Variants in ADAMTS7 observed in about 807,000 individuals in gnomAD.
ADAMTS7 encodes ADAM metallopeptidase with thrombospondin type 1 motif 7, also known as A disintegrin and metalloproteinase with thrombospondin motifs 7.
A neutral mutation model predicts 172.6 loss-of-function variants in ADAMTS7; 89 were observed. That is an observed-to-expected ratio of 0.52 (90% CI 0.43 to 0.61). The LOEUF (loss-of-function observed/expected upper bound fraction) is 0.61. Ranked by LOEUF, ADAMTS7 falls within the 20% of genes least tolerant of loss-of-function variation. The pLI, the probability that ADAMTS7 is intolerant of heterozygous loss-of-function variation, is 0.00. For missense variants in ADAMTS7, 1,973 were observed against 2,355.6 expected, an observed-to-expected ratio of 0.84 and a Z score of 3.36; for synonymous variants, 885 against 978.4, an observed-to-expected ratio of 0.90 and a Z score of 1.78.
Position 78,763,714 on chromosome 15 carries a change from C to T in ADAMTS7, c.4725G>A (p.Val1575=), listed in dbSNP as rs536028988. 1.9e-6 allele frequency: 3 copies of T among 1,550,224 alleles called. No homozygotes were observed. The East Asian group carries it at 6.8e-5, about 35-fold the overall frequency. Reference sequence around the variant, plus strand: ...CCCGGCTCACCTGGCCCCAGGGCCCCACCACCCACTGCGTGCAGGGGTGGG... The same window carrying T: ...CCCGGCTCACCTGGCCCCAGGGCCCTACCACCCACTGCGTGCAGGGGTGGG... The part of the protein sequence containing the change: ...CNTHPCTQWV[V]GPWGQCSGPC... The change falls in exon 22 of 24, where the codon GTG becomes GTA. Residue 1575 remains valine (V), a synonymous_variant. Transcript: ENST00000388820.
At chr15:78,805,487 C>A (rs973414890) in intron 1 of ADAMTS7, among the ~76,000 whole-genome samples, 21 of 152,284 alleles carry the variant, frequency 1.4e-4, no homozygotes, top group African/African-American at 5.1e-4. Context: ...CTATGCTCCC[C>A]GGTCCTCAGT....
intron 8 of ADAMTS7, among the ~76,000 whole-genome samples, chr15:78,786,096 AT>A (rs1372345526): frequency 6.7e-6 from 1 of 150,370 alleles, no homozygotes; most frequent in Non-Finnish European, 1.5e-5. Context: ...CACCTGGCTA[AT>A]TTTTGTATTT....
rs1388758976 is a variant in ADAMTS7 at position 78,811,156 on chromosome 15, C to T, written c.65G>A (p.Cys22Tyr). The T allele has an allele frequency of 2.2e-5, 27 of 1,230,128 alleles. No individual in the cohort carries two copies. Among genetic ancestry groups the T allele is most frequent in the Non-Finnish European group, 2.1e-5 (21 of 986,926 alleles). 76.2% of individuals were successfully genotyped at this position (1,230,128 alleles called of 1,614,324 possible). ...PLLRPLLLLL[C>Y]ALAPGAPGPA... ...TCCGGGGGCGCCGGGAGCCAGAGCG[C>T]AGAGGAGCAGGAGGAGGGGGCGCAG... Residue 22 changes from cysteine (C) to tyrosine (Y), a missense_variant, in exon 1 of 24, where the codon TGC becomes TAC. Around this residue, in one of 8 missense-constraint regions of ADAMTS7, gnomAD observed 306 missense variants for 288.0 expected, o/e 1.06. Transcript: ENST00000388820.
rs937598547 is a variant in ADAMTS7, at chr15:78,765,024, G to A, written c.4267-317C>T. The stretch of plus-strand genomic sequence containing the variant: ...ACCAGCTATCTTGACCAGCCTCGTC[G>A]CTTCCCAGAGGCACCAGGGAAGGAA... On this transcript the variant is annotated intron_variant, in intron 19 of 23. Transcript: ENST00000388820. 4.1e-5 allele frequency: 12 copies of A among 295,150 alleles called. No homozygotes were observed. The South Asian group carries it at 4.5e-4, about 11-fold the overall frequency. 18.3% of individuals were successfully genotyped at this position (295,150 alleles called of 1,614,324 possible).
At position 78,811,274 on chromosome 15, in the gene ADAMTS7, C is replaced by T. The variant is rs1050342859; in HGVS notation, c.-54G>A. ...CCCGCGCGCACGCTCTCGTCCGTCC[C>T]GTCCGGTCGCTGCCTGGTCCCAGGT... On this transcript the variant is annotated 5_prime_UTR_variant, in exon 1 of 24. Transcript: ENST00000388820. 24 of 1,220,536 alleles carry T rather than the reference C, an allele frequency of 2.0e-5. No individual in the cohort carries two copies. The highest frequency in any genetic ancestry group is 4.3e-5 in the Admixed American group (1 of 23,288). The allele number at this position is 1,220,536 out of a possible 1,614,324, so 75.6% of individuals were successfully genotyped here.
chr15:78,793,662 C>T (rs1229726554), intron 4 of ADAMTS7, among the ~76,000 whole-genome samples: 1 of 152,186 alleles, frequency 6.6e-6, no homozygotes, highest in Admixed American at 6.5e-5. Flanking sequence ...AGACAGAGTC[C>T]CCAAGTGTAG....
At position 78,788,252 on chromosome 15, in the gene ADAMTS7, T is replaced by C; in HGVS notation, c.1301A>G (p.Gln434Arg). 2 of 1,613,764 alleles carry C rather than the reference T, an allele frequency of 1.2e-6. No individual in the cohort carries two copies. The highest frequency in any genetic ancestry group is 1.7e-6 in the Non-Finnish European group (2 of 1,179,992). Residue 434 changes from glutamine (Q) to arginine (R), a missense_variant, in exon 8 of 24, where the codon CAG becomes CGG. Physicochemically the swap from Gln to Arg is conservative, Grantham distance 43. Coordinates refer to ENST00000388820, the MANE Select transcript of ADAMTS7 (RefSeq NM_014272.5). ...TTACTCAAGGAACCTGGTGATATACTGGCGGCTGCAGCGGGACCAGGTGAG... is the reference window on the plus strand; with the variant it reads ...TTACTCAAGGAACCTGGTGATATACCGGCGGCTGCAGCGGGACCAGGTGAG... The part of the protein sequence containing the change: ...APLTWSRCSR[Q>R]YITRFLDRGW...
intron 1 of ADAMTS7, among the ~76,000 whole-genome samples, chr15:78,803,223 G>C (rs1463888271): frequency 4.6e-5 from 7 of 151,934 alleles, no homozygotes; most frequent in Admixed American, 4.6e-4. Flanking sequence ...AGCCAGGCAA[G>C]GTGGTGCACA....
intron 1 of ADAMTS7, among the ~76,000 whole-genome samples, chr15:78,804,545 A>G (rs2055764944): frequency 6.6e-6 from 1 of 152,158 alleles, no homozygotes; most frequent in South Asian, 2.1e-4. Context: ...GCCCAGCCCG[A>G]AGCTCCATCC....
chr15:78,776,577 A>G, intron 10 of ADAMTS7, 172 bp downstream of exon 10: 1 of 849,668 alleles, frequency 1.2e-6, no homozygotes, highest in Non-Finnish European at 1.8e-6. Context: ...CATGGAATCA[A>G]GCCCTGGCCC....
At chr15:78,806,195 G>A (rs1195831597) in intron 1 of ADAMTS7, among the ~76,000 whole-genome samples, 2 of 146,828 alleles carry the variant, frequency 1.4e-5, no homozygotes, top group Non-Finnish European at 3.0e-5. Context: ...CCCCACTCTG[G>A]CACAGTGCTG....
intron 1 of ADAMTS7, among the ~76,000 whole-genome samples, chr15:78,809,280 G>A (rs888555296): frequency 6.6e-6 from 1 of 152,192 alleles, no homozygotes; most frequent in African/African-American, 2.4e-5. Context: ...GTAACATTCA[G>A]TGGTAGGAGG....
chr15:78,793,868 G>A (rs2055611371), intron 4 of ADAMTS7, among the ~76,000 whole-genome samples: 1 of 152,222 alleles, frequency 6.6e-6, no homozygotes, highest in African/African-American at 2.4e-5. Context: ...GGCTTTGGAG[G>A]TAGACAGACC....
At chr15:78,808,943 A>T (rs557460096) in intron 1 of ADAMTS7, among the ~76,000 whole-genome samples, 16 of 152,178 alleles carry the variant, frequency 1.1e-4, no homozygotes, top group Non-Finnish European at 1.9e-4. Context: ...GCTTCTACCA[A>T]AGAAATGCCA....
intron 16 of ADAMTS7, 179 bp downstream of exon 16, chr15:78,770,983 C>T (rs2055238702): frequency 1.2e-6 from 1 of 853,714 alleles, no homozygotes; most frequent in Non-Finnish European, 1.8e-6. Flanking sequence ...CATGTACCCT[C>T]CCAGCGGGCC....
rs139681871 is a variant in ADAMTS7, at chr15:78,790,658, C to G, written c.1028+12G>C. 6.2e-7 allele frequency: 1 copy of G among 1,612,814 alleles called. No homozygotes were observed. The highest frequency in any genetic ancestry group is 8.5e-7 in the Non-Finnish European group (1 of 1,179,700). On this transcript the variant is annotated intron_variant, in intron 6 of 23. Transcript: ENST00000388820. ...TGAGATGCAGGCTCCCACCCTCCTG[C>G]GGCTGCAGTACCTGGTGAGCAGGAT...
At chr15:78,789,567 C>A in intron 7 of ADAMTS7, 122 bp downstream of exon 7, 1 of 1,362,872 alleles carries the variant, frequency 7.3e-7, no homozygotes, top group South Asian at 1.4e-5. Context: ...CCAGTCAGGG[C>A]TCCTTTTCCA....
intron 8 of ADAMTS7, among the ~76,000 whole-genome samples, chr15:78,787,764 T>C (rs761425895): frequency 6.6e-6 from 1 of 152,180 alleles, no homozygotes; most frequent in Non-Finnish European, 1.5e-5. Context: ...AATGGCCCCT[T>C]CTTCCTGTCT....
At chr15:78,806,390 G>C (rs1169033302) in intron 1 of ADAMTS7, among the ~76,000 whole-genome samples, 3 of 152,196 alleles carry the variant, frequency 2.0e-5, no homozygotes, top group Non-Finnish European at 4.4e-5. Context: ...GGAAAAGCCA[G>C]AAGTAAGAAA....
Sources: gnomAD v4.1 joint callset for allele counts (sites outside exome capture counted in the v4.1 genomes callset) on GRCh38, gnomAD v4.1.1 for gene constraint, gnomAD v4.1.1 regional missense constraint, MANE v1.5 for transcripts, NCBI Gene and HGNC (gene_info 2026-07-23, HGNC 2026-07-21) for gene names.